ABCB11: variants seen among roughly 807,000 people sequenced by gnomAD.
ABCB11 encodes the protein bile salt export pump.
In ABCB11, 95 loss-of-function variants were observed where a neutral mutation model predicts 148.0. The ratio of observed to expected loss-of-function variants is 0.64; its 90% CI spans 0.54 to 0.76. The LOEUF (loss-of-function observed/expected upper bound fraction) is 0.76, where lower values mean the gene tolerates loss of function less well. Among genes scored for constraint, ABCB11 ranks in the 30% least tolerant of loss-of-function variants. The pLI, the probability that ABCB11 is intolerant of heterozygous loss-of-function variation, is 0.00. For synonymous variants in ABCB11, 591 were observed against 555.4 expected, an observed-to-expected ratio of 1.06 and a Z score of -0.90; for missense variants, 1,523 against 1,617.8, an observed-to-expected ratio of 0.94 and a Z score of 1.01.
chr2:169,023,959 C>CT (rs1558933713), intron 1 of ABCB11, among the ~76,000 whole-genome samples: 1 of 151,942 alleles, frequency 6.6e-6, no homozygotes, highest in Non-Finnish European at 1.5e-5. Flanking sequence ...AAGTTTTTCT[C>CT]TTTTTTTTCC....
rs911644634 is a variant in ABCB11, at chr2:168,976,768, C to T, written c.1198-81G>A. 1.5e-5 allele frequency: 13 copies of T among 846,006 alleles called. No individual in the cohort carries two copies. The African/African-American group carries it at 1.8e-4, about 12-fold the overall frequency. 52.4% of individuals were successfully genotyped at this position (846,006 alleles called of 1,614,324 possible). A position where few individuals can be genotyped will look rare whatever the true frequency, so the allele number is the denominator to read the frequency against. ...AATTCAAATTGTAAATTCAAATAAA[C>T]ATCTTTGGCGTATCTCTGCAATGTT... On this transcript the variant is annotated intron_variant, in intron 11 of 27. Transcript: ENST00000650372.
Position 168,932,515 on chromosome 2 carries a change from T to C in ABCB11, c.3075A>G (p.Val1025=). ...SYVFRVISAV[V]LSATALGRAF... ...CTCTTCCAAGAGCTGTTGCACTCAG[T>C]ACAACTGCAGAGATCACCCTGTAAC... Residue 1025 remains valine (V), a synonymous_variant, in exon 24 of 28, where the codon GTA becomes GTG. Coordinates refer to ENST00000650372, the MANE Select transcript of ABCB11 (RefSeq NM_003742.4). 2 of 1,613,564 alleles carry C rather than the reference T, an allele frequency of 1.2e-6. No homozygotes were observed. Among genetic ancestry groups the C allele is most frequent in the Non-Finnish European group, 1.7e-6 (2 of 1,179,760 alleles).
At chr2:168,982,085 A>C (rs150688858) in intron 10 of ABCB11, among the ~76,000 whole-genome samples, 1,992 of 152,204 alleles carry the variant, frequency 0.013, 22 homozygotes, top group Middle Eastern at 0.027. Context: ...ACTCAACATC[A>C]TATTCTTTAG....
chr2:168,991,485 A>G (rs1030277496), intron 8 of ABCB11, among the ~76,000 whole-genome samples: 1 of 152,116 alleles, frequency 6.6e-6, no homozygotes, highest in Non-Finnish European at 1.5e-5. Context: ...ACTTAACAGT[A>G]GACACATTAC....
Position 168,922,349 on chromosome 2 carries a change from T to G in ABCB11, c.*1273A>C, listed in dbSNP as rs1298414514. ...TGTGAGCCTCCTCAGAGAGGGAGTA[T>G]GCAGTTTCTCGCTGGAACTGGGGAA... On this transcript the variant is annotated 3_prime_UTR_variant, in exon 28 of 28. Coordinates refer to ENST00000650372, the MANE Select transcript of ABCB11 (RefSeq NM_003742.4). Among the ~76,000 whole-genome samples, 1 of 152,184 alleles carries G rather than the reference T, an allele frequency of 6.6e-6. No homozygotes were observed. The highest frequency in any genetic ancestry group is 2.1e-4 in the South Asian group (1 of 4,830).
At chr2:168,970,370 G>A (rs779116895) in intron 14 of ABCB11, 155 bp from the exon 15 acceptor site, 15 of 1,524,164 alleles carry the variant, frequency 9.8e-6, no homozygotes, top group African/African-American at 1.4e-5. Flanking sequence ...CCCCAGACGG[G>A]TTATTGTCTA....
chr2:168,933,187 G>A (rs1691662855), intron 23 of ABCB11, among the ~76,000 whole-genome samples: 1 of 151,936 alleles, frequency 6.6e-6, no homozygotes, highest in Non-Finnish European at 1.5e-5. Context: ...GAAAAAGCAG[G>A]CTTGAAAGAT....
At chr2:168,992,586 C>T (rs977258623) in intron 8 of ABCB11, among the ~76,000 whole-genome samples, 8 of 152,032 alleles carry the variant, frequency 5.3e-5, no homozygotes, top group Non-Finnish European at 8.8e-5. Flanking sequence ...GTGCCCGACA[C>T]GGCTTAAATG....
chr2:168,957,138 G>A (rs1264999519), intron 19 of ABCB11, among the ~76,000 whole-genome samples: 1 of 151,556 alleles, frequency 6.6e-6, no homozygotes, highest in African/African-American at 2.4e-5. Context: ...CTGTTTCCAT[G>A]ATCAAATTTT....
At chr2:169,008,055 C>A (rs1695075661) in intron 5 of ABCB11, among the ~76,000 whole-genome samples, 1 of 152,116 alleles carries the variant, frequency 6.6e-6, no homozygotes, top group Non-Finnish European at 1.5e-5. Context: ...GGCCAACAAG[C>A]ACCTAAAAAG....
chr2:168,958,676 T>C (rs191843172), intron 18 of ABCB11, among the ~76,000 whole-genome samples: 149 of 151,868 alleles, frequency 9.8e-4, no homozygotes, highest in Admixed American at 2.4e-3. Context: ...CAGAGGTAAG[T>C]AGTACTGCAT....
At chr2:168,941,778 G>A (rs1037227902) in intron 21 of ABCB11, among the ~76,000 whole-genome samples, 1 of 152,014 alleles carries the variant, frequency 6.6e-6, no homozygotes, top group Non-Finnish European at 1.5e-5. Flanking sequence ...ATAAGATATT[G>A]CCAGTCTAAC....
chr2:168,973,741 G>A lies in ABCB11; in HGVS notation c.1408C>T (p.Arg470Ter), dbSNP rs774824767. 8 of 1,611,840 alleles carry A rather than the reference G, an allele frequency of 5.0e-6. No individual in the cohort carries two copies. Among genetic ancestry groups the A allele is most frequent in the Admixed American group, 3.3e-5 (2 of 59,876 alleles). ...ATTCCTTCACAGGGGTCATAGAATC[G>A]CTGAATGAGTTGCAGTGCTGTACTT... Reference protein sequence around the residue: ...GKSTALQLIQRFYDPCEGMVT... With the variant: ...GKSTALQLIQ The change falls in exon 13 of 28, where the codon CGA becomes TGA. Residue 470 changes from arginine to a stop codon, truncating the protein, a stop_gained. Coordinates refer to ENST00000650372, the MANE Select transcript of ABCB11 (RefSeq NM_003742.4). LOFTEE classifies it high-confidence loss of function.
At chr2:168,954,140 A>T in intron 19 of ABCB11, among the ~76,000 whole-genome samples, 1 of 151,596 alleles carries the variant, frequency 6.6e-6, no homozygotes, top group Admixed American at 6.6e-5. Flanking sequence ...CACACATTCA[A>T]GGTTAATATT....
At chr2:168,945,426 A>G (rs377221115) in intron 19 of ABCB11, among the ~76,000 whole-genome samples, 1 of 151,994 alleles carries the variant, frequency 6.6e-6, no homozygotes, top group South Asian at 2.1e-4. Flanking sequence ...GATGACTTAC[A>G]GAATTTTTGT....
At chr2:169,017,134 T>C (rs774092402) in intron 2 of ABCB11, among the ~76,000 whole-genome samples, 32 of 152,178 alleles carry the variant, frequency 2.1e-4, no homozygotes, top group Non-Finnish European at 3.8e-4. Flanking sequence ...CAGCAACTTT[T>C]TGAACTACAA....
At position 168,938,599 on chromosome 2, in the gene ABCB11, A is replaced by G. The variant is rs577765983; in HGVS notation, c.2611-2166T>C. ...CGGTAAAACATTTCTAGAGATGAATAGTGGTGATGGTTACATAACAATGTA... is the reference window on the plus strand; with the variant it reads ...CGGTAAAACATTTCTAGAGATGAATGGTGGTGATGGTTACATAACAATGTA... On this transcript the variant is annotated intron_variant, in intron 21 of 27. Coordinates refer to ENST00000650372, the MANE Select transcript of ABCB11 (RefSeq NM_003742.4). Among the ~76,000 whole-genome samples the G allele has an allele frequency of 1.6e-3, 251 of 152,256 alleles. 1 individual carries two copies. Among genetic ancestry groups the G allele is most frequent in the Middle Eastern group, 6.8e-3 (2 of 294 alleles).
At chr2:168,956,791 C>A (rs2105932906) in intron 19 of ABCB11, among the ~76,000 whole-genome samples, 1 of 151,724 alleles carries the variant, frequency 6.6e-6, no homozygotes, top group East Asian at 2.0e-4. Context: ...TCCGTGGAAT[C>A]TTTAGGCAGC....
At chr2:169,021,107 T>A (rs959193899) in intron 1 of ABCB11, among the ~76,000 whole-genome samples, 2 of 151,846 alleles carry the variant, frequency 1.3e-5, no homozygotes, top group Non-Finnish European at 2.9e-5. Context: ...GGATTACGGG[T>A]ATGAGCCACC....
Sources: allele counts gnomAD v4.1 joint callset (sites outside exome capture counted in the v4.1 genomes callset), GRCh38; gene constraint gnomAD v4.1.1; transcripts MANE v1.5; gene names NCBI Gene and HGNC (gene_info 2026-07-23, HGNC 2026-07-21).